The following NUP42 variants were observed in gnomAD, a reference collection of about 807,000 sequenced individuals.
NUP42 encodes the protein nucleoporin 42.
A neutral mutation model predicts 35.9 loss-of-function variants in NUP42; 47 were observed. The observed-to-expected ratio is 1.31, with a 90% CI of 1.04 to 1.67. The LOEUF (loss-of-function observed/expected upper bound fraction) is 1.67. Ranked by LOEUF, NUP42 falls within the 40% of genes most tolerant of loss-of-function variation. The probability of loss-of-function intolerance (pLI) is 0.00; values close to 1 mark genes in which losing one functional copy is unlikely to be tolerated. For missense variants in NUP42, 514 were observed against 492.2 expected (o/e 1.04, Z -0.42); for synonymous variants, 173 against 173.3 (o/e 1.00, Z 0.01).
chr7:23,188,126 T>C (rs376973706), intron 3 of NUP42: 5 of 1,341,458 alleles, frequency 3.7e-6, no homozygotes, highest in African/African-American at 1.5e-5. Context: ...GAGGAAACAG[T>C]GGGTACCTTG....
chr7:23,185,348 C>A, intron 2 of NUP42, 50 bp downstream of exon 2: 1 of 1,204,856 alleles, frequency 8.3e-7, no homozygotes, highest in Non-Finnish European at 1.2e-6. Context: ...TATGTTTTTT[C>A]ACCTACAATC....
chr7:23,183,754 T>TAAAAA (rs571597955), intron 1 of NUP42, among the ~76,000 whole-genome samples: 2 of 82,068 alleles, frequency 2.4e-5, no homozygotes, highest in African/African-American at 8.3e-5. Flanking sequence ...AAAAGCAATG[T>TAAAAA]AAAAAAAAAA....
intron 4 of NUP42, 57 bp from the exon 5 acceptor site, chr7:23,196,623 A>C: frequency 8.0e-7 from 1 of 1,249,062 alleles, no homozygotes; most frequent in Non-Finnish European, 1.2e-6. Flanking sequence ...TTTTTATTGA[A>C]GAAACTAACT....
At chr7:23,188,059 C>T in intron 3 of NUP42, 1 of 1,446,424 alleles carries the variant, frequency 6.9e-7, no homozygotes, top group Non-Finnish European at 9.1e-7. Flanking sequence ...GGGCTGAAAC[C>T]TAGACCACCG....
Position 23,200,806 on chromosome 7 carries a change from G to A in NUP42, c.*61G>A, listed in dbSNP as rs771786821. 2.6e-5 allele frequency: 28 copies of A among 1,068,338 alleles called. No homozygotes were observed. Among genetic ancestry groups the A allele is most frequent in the Non-Finnish European group, 3.5e-5 (26 of 744,844 alleles). The allele number at this position is 1,068,338 out of a possible 1,614,324, so 66.2% of individuals were successfully genotyped here. On this transcript the variant is annotated 3_prime_UTR_variant, in exon 7 of 7. Transcript: ENST00000258742. ...AAAATTGCTTTGAGTGATTCATACA[G>A]AGATGTATATATGCATACATGTATA...
At chr7:23,186,983 CA>C in intron 2 of NUP42, 68 bp from the exon 3 acceptor site, 1 of 1,034,346 alleles carries the variant, frequency 9.7e-7, no homozygotes. Flanking sequence ...TGTGGAAAAC[CA>C]TTAACAATAA....
At position 23,187,162 on chromosome 7, in the gene NUP42, T is replaced by G; in HGVS notation, c.445+16T>G. 3.3e-6 allele frequency: 5 copies of G among 1,537,980 alleles called. No individual in the cohort carries two copies. The South Asian group carries it at 5.9e-5, about 18-fold the overall frequency. On this transcript the variant is annotated intron_variant, in intron 3 of 6. Transcript: ENST00000258742. ...AATATTTCAGGTAACTGAAAAATTG[T>G]GCATTTTTAAAGTATGTTCTAAAAC...
At chr7:23,188,473 T>C in intron 3 of NUP42, 1 of 985,424 alleles carries the variant, frequency 1.0e-6, no homozygotes, top group Non-Finnish European at 1.2e-6. Flanking sequence ...AGTACTTGAG[T>C]ATTAATCCAT....
chr7:23,187,186 A>T, intron 3 of NUP42, 40 bp downstream of exon 3: 1 of 1,366,484 alleles, frequency 7.3e-7, no homozygotes, highest in South Asian at 1.2e-5. Context: ...ATGTTCTAAA[A>T]CTATTATTTT....
intron 2 of NUP42, among the ~76,000 whole-genome samples, chr7:23,186,032 A>G (rs1785583308): frequency 3.3e-5 from 5 of 152,324 alleles, no homozygotes; most frequent in African/African-American, 1.2e-4. Flanking sequence ...AAGCCACCAT[A>G]CCCAGCCACA....
rs1562609793 is a variant in NUP42 at position 23,195,927 on chromosome 7, T to C, written c.522+12T>C. On this transcript the variant is annotated intron_variant, in intron 4 of 6. Transcript: ENST00000258742. ...ACTTACAGAGTTATGTAAGTTTGTT[T>C]CCTATTAATCTACTGCAATAACAGA... 1 of 1,524,488 alleles carries C rather than the reference T, an allele frequency of 6.6e-7. No homozygotes were observed. The highest frequency in any genetic ancestry group is 1.2e-5 in the South Asian group (1 of 86,090). The allele number at this position is 1,524,488 out of a possible 1,614,324, so 94.4% of individuals were successfully genotyped here.
Position 23,186,632 on chromosome 7 carries a change from A to G in NUP42, c.351-420A>G, listed in dbSNP as rs567006375. On this transcript the variant is annotated intron_variant, in intron 2 of 6. Transcript: ENST00000258742. Reference sequence around the variant, plus strand: ...GTTCTTCCCAGTTAAATGATTATTGATGTTTGTGATAATTAACAAAGATTA... The same window carrying G: ...GTTCTTCCCAGTTAAATGATTATTGGTGTTTGTGATAATTAACAAAGATTA... Among the ~76,000 whole-genome samples the G allele has an allele frequency of 5.9e-5, 9 of 152,326 alleles. No homozygotes were observed. In the South Asian group the frequency reaches 1.9e-3, roughly 32 times the overall value.
chr7:23,199,473 G>A lies in NUP42; in HGVS notation c.625G>A (p.Asp209Asn), dbSNP rs1786132311. The A allele has an allele frequency of 6.2e-7, 1 of 1,614,008 alleles. No individual in the cohort carries two copies. The highest frequency in any genetic ancestry group is 8.5e-7 in the Non-Finnish European group (1 of 1,179,948). Residue 209 changes from aspartate to asparagine, a missense_variant, in exon 6 of 7, where the codon GAT (aspartate) becomes AAT (asparagine). Coordinates refer to ENST00000258742, the MANE Select transcript of NUP42 (RefSeq NM_007342.3). ...TTTTTTTCAGCTCTCTGATGTAAAG[G>A]ATGGAGTAAATCAAGCAGCACCTGC... ...TKVALLSDVK[D>N]GVNQAAPAFG...
Position 23,200,180 on chromosome 7 carries a change from A to G in NUP42, c.707A>G (p.Asn236Ser), listed in dbSNP as rs746483408. 8.3e-6 allele frequency: 13 copies of G among 1,572,320 alleles called. No homozygotes were observed. Among genetic ancestry groups the G allele is most frequent in the Non-Finnish European group, 5.2e-6 (6 of 1,158,526 alleles). ...ATFMSPGFPV[N>S]NSSSDNAQNF... is the part of the protein sequence containing the mutation. ...TTGTTGTTTGTAGGCTTTCCAGTCA[A>G]TAACAGCAGCAGTGATAATGCTCAG... Residue 236 changes from asparagine to serine, a missense_variant, in exon 7 of 7, where the codon AAT (asparagine) becomes AGT (serine). Transcript: ENST00000258742.
intron 3 of NUP42, among the ~76,000 whole-genome samples, chr7:23,192,342 G>A (rs985072832): frequency 7.2e-5 from 11 of 151,938 alleles, no homozygotes; most frequent in Admixed American, 5.2e-4. Context: ...TCAGGAGTTC[G>A]AGACCAACCT....
In NUP42 at chr7:23,182,366, T is replaced by C. The variant is rs1328569396; in HGVS notation, c.121+160T>C. 5 of 1,432,292 alleles carry C rather than the reference T, an allele frequency of 3.5e-6. 1 individual carries two copies. Among genetic ancestry groups the C allele is most frequent in the Non-Finnish European group, 4.6e-6 (5 of 1,097,370 alleles). The allele number at this position is 1,432,292 out of a possible 1,614,324, so 88.7% of individuals were successfully genotyped here. The stretch of plus-strand genomic sequence containing the variant: ...CTGCACAACGTTTTTAAACCGAGGG[T>C]TTTATCTACATATTATTCATGTGGT... On this transcript the variant is annotated intron_variant, in intron 1 of 6. Transcript: ENST00000258742.
rs560861325 is a variant in NUP42, at chr7:23,196,068, TTTGG to T, written c.522+160_522+163del. On this transcript the variant is annotated intron_variant, in intron 4 of 6. Transcript: ENST00000258742. Reference sequence around the variant, plus strand: ...TCTTTTCTATATTATTTTCATTGAATTTGGTTGGTTATTAAAATGATAATATATT... The same window carrying T: ...TCTTTTCTATATTATTTTCATTGAATTTGGTTATTAAAATGATAATATATT... The T allele has an allele frequency of 2.6e-3, 1,016 of 388,396 alleles. 11 individuals carry two copies. Among genetic ancestry groups the T allele is most frequent in the African/African-American group, 0.019 (900 of 48,024 alleles). The allele number at this position is 388,396 out of a possible 1,614,324, so 24.1% of individuals were successfully genotyped here.
Position 23,186,901 on chromosome 7 carries a change from A to G in NUP42, c.351-151A>G, listed in dbSNP as rs966745171. ...CATGAAATATAGTTCACACTTCTAT[A>G]AACTTGTGCTTTAAAGAACACTCTT... On this transcript the variant is annotated intron_variant, in intron 2 of 6. Transcript: ENST00000258742. The G allele has an allele frequency of 5.3e-6, 3 of 567,548 alleles. No individual in the cohort carries two copies. In the African/African-American group the frequency reaches 5.7e-5, roughly 11 times the overall value. 35.2% of individuals were successfully genotyped at this position (567,548 alleles called of 1,614,324 possible).
chr7:23,185,020 TAGAA>T lies in NUP42; in HGVS notation c.122-44_122-41del, dbSNP rs772894542. ...GACCCTATCTCAATTAAAAAGAAAA[TAGAA>T]AGAAAAGTTGCTAGTAAAATTATTT... On this transcript the variant is annotated intron_variant, in intron 1 of 6. Transcript: ENST00000258742. The T allele has an allele frequency of 5.5e-5, 81 of 1,468,750 alleles. No homozygotes were observed. In the East Asian group the frequency reaches 6.5e-4, roughly 12 times the overall value. 91.0% of individuals were successfully genotyped at this position (1,468,750 alleles called of 1,614,324 possible).
Sources: gnomAD v4.1 joint callset for allele counts (sites outside exome capture counted in the v4.1 genomes callset) on GRCh38, gnomAD v4.1.1 for gene constraint, MANE v1.5 for transcripts, NCBI Gene and HGNC (gene_info 2026-07-23, HGNC 2026-07-21) for gene names.